The following LARGE1 variants were observed in gnomAD, a reference collection of about 807,000 sequenced individuals.
LARGE1 encodes the protein xylosyl- and glucuronyltransferase LARGE1.
LARGE1 carries 43 observed loss-of-function variants against 87.6 expected under a neutral mutation model. The ratio of observed to expected loss-of-function variants is 0.49; its 90% CI spans 0.38 to 0.63. LARGE1 has a LOEUF of 0.63. Ranked by LOEUF, LARGE1 falls within the 30% of genes least tolerant of loss-of-function variation. The pLI, the probability that LARGE1 is intolerant of heterozygous loss-of-function variation, is 0.00. For synonymous variants in LARGE1, 434 were observed against 394.6 expected (o/e 1.10, Z -1.18); for missense variants, 802 against 1,000.2 (o/e 0.80, Z 2.67).
intron 1 of LARGE1, among the ~76,000 whole-genome samples, chr22:33,878,197 G>A (rs1409975161): frequency 2.3e-5 from 3 of 129,456 alleles, no homozygotes; most frequent in Non-Finnish European, 4.7e-5. Flanking sequence ...GAGCGCAATG[G>A]TGTGATCTCG....
chr22:33,676,788 G>C (rs954892040), intron 2 of LARGE1, among the ~76,000 whole-genome samples: 1 of 152,104 alleles, frequency 6.6e-6, no homozygotes, highest in African/African-American at 2.4e-5. Context: ...GTGGCCACCA[G>C]AGATAGAGAC....
the LARGE1 span, among the ~76,000 whole-genome samples, chr22:33,127,715 G>A: frequency 2.0e-5 from 3 of 152,144 alleles, no homozygotes; most frequent in Non-Finnish European, 4.4e-5. Flanking sequence ...AATAAGGAGG[G>A]TATGATAAAA....
chr22:33,508,676 T>A lies in LARGE1; in HGVS notation c.787+56172A>T, dbSNP rs542745740. ...ATCCTATCAGAATTATGCAGGTGTATCCAAAAGGTTGATTGGCAACTTTAA... is the reference window on the plus strand; with the variant it reads ...ATCCTATCAGAATTATGCAGGTGTAACCAAAAGGTTGATTGGCAACTTTAA... On this transcript the variant is annotated intron_variant, in intron 6 of 14. Coordinates refer to ENST00000397394, the MANE Select transcript of LARGE1 (RefSeq NM_133642.5). 5.9e-5 allele frequency among the ~76,000 whole-genome samples: 9 copies of A among 152,262 alleles called. No homozygotes were observed. The South Asian group carries it at 6.2e-4, about 11-fold the overall frequency.
chr22:33,711,508 T>G (rs1306865148), intron 2 of LARGE1, among the ~76,000 whole-genome samples: 1 of 152,224 alleles, frequency 6.6e-6, no homozygotes, highest in African/African-American at 2.4e-5. Context: ...TTAGGTGAGC[T>G]GCCCACAGCT....
chr22:33,796,526 C>T (rs1012365197), intron 1 of LARGE1, among the ~76,000 whole-genome samples: 3 of 152,040 alleles, frequency 2.0e-5, no homozygotes, highest in Admixed American at 1.3e-4. Context: ...CCAGAAGACT[C>T]GTAAGAAAAG....
chr22:33,711,271 G>A (rs909480874), intron 2 of LARGE1, among the ~76,000 whole-genome samples: 1 of 152,194 alleles, frequency 6.6e-6, no homozygotes, highest in East Asian at 1.9e-4. Flanking sequence ...CGTCCAGGGG[G>A]TCTGCAGCAG....
At chr22:33,403,678 A>T (rs1278698929) in intron 7 of LARGE1, among the ~76,000 whole-genome samples, 3 of 151,706 alleles carry the variant, frequency 2.0e-5, no homozygotes, top group Non-Finnish European at 4.4e-5. Flanking sequence ...ATCTCGGCTC[A>T]CTGCAACCTC....
At chr22:33,069,100 C>T in the LARGE1 span, among the ~76,000 whole-genome samples, 2 of 152,154 alleles carry the variant, frequency 1.3e-5, no homozygotes, top group South Asian at 2.1e-4. Context: ...TATACCTCAT[C>T]GCCATCATTT....
At chr22:33,764,845 T>C (rs2084850170) in intron 1 of LARGE1, among the ~76,000 whole-genome samples, 1 of 152,188 alleles carries the variant, frequency 6.6e-6, no homozygotes, top group Admixed American at 6.5e-5. Context: ...CCGTATTGTT[T>C]AGAGAACGAC....
At chr22:33,149,822 A>G in the LARGE1 span, among the ~76,000 whole-genome samples, 1 of 152,110 alleles carries the variant, frequency 6.6e-6, no homozygotes, top group Non-Finnish European at 1.5e-5. Flanking sequence ...TAGCTTCCAG[A>G]GGCTTCTTTC....
At chr22:33,417,110 T>C (rs2066528042) in intron 7 of LARGE1, among the ~76,000 whole-genome samples, 1 of 151,908 alleles carries the variant, frequency 6.6e-6, no homozygotes, top group Non-Finnish European at 1.5e-5. Flanking sequence ...TTTCACCATG[T>C]TGGCCAGGAT....
At chr22:33,072,588 T>C in the LARGE1 span, among the ~76,000 whole-genome samples, 938 of 152,294 alleles carry the variant, frequency 6.2e-3, 11 homozygotes, top group African/African-American at 0.021. Flanking sequence ...CTGAGATTTA[T>C]TGAATCAGGG....
chr22:33,129,214 A>G, the LARGE1 span, among the ~76,000 whole-genome samples: 1 of 152,228 alleles, frequency 6.6e-6, no homozygotes, highest in African/African-American at 2.4e-5. Flanking sequence ...AGTGATGGAA[A>G]ACAGATCAAA....
At chr22:33,432,025 C>T in intron 7 of LARGE1, 136 bp downstream of exon 7, 2 of 739,256 alleles carry the variant, frequency 2.7e-6, no homozygotes, top group South Asian at 1.5e-5. Flanking sequence ...GCAAACTGCC[C>T]ACAAACCATC....
intron 6 of LARGE1, among the ~76,000 whole-genome samples, chr22:33,504,660 C>G (rs2070679155): frequency 6.6e-6 from 1 of 152,154 alleles, no homozygotes; most frequent in Non-Finnish European, 1.5e-5. Context: ...TGAAATAGAT[C>G]AGATGAATTT....
chr22:33,415,777 G>C lies in LARGE1; in HGVS notation c.892+16384C>G, dbSNP rs117152391. 5.4e-3 allele frequency among the ~76,000 whole-genome samples: 818 copies of C among 152,286 alleles called. 16 individuals carry two copies. The East Asian group carries it at 0.085, about 16-fold the overall frequency. ...CCACAGCCCTGAGAGATGAACACTTGGCTCAGGGTCAAGACATAAATGGAG... is the reference window on the plus strand; with the variant it reads ...CCACAGCCCTGAGAGATGAACACTTCGCTCAGGGTCAAGACATAAATGGAG... On this transcript the variant is annotated intron_variant, in intron 7 of 14. Transcript: ENST00000397394.
chr22:33,740,418 A>C (rs1265125475), intron 2 of LARGE1, among the ~76,000 whole-genome samples: 1 of 152,174 alleles, frequency 6.6e-6, no homozygotes, highest in Non-Finnish European at 1.5e-5. Flanking sequence ...CTTTTTACTC[A>C]TTAATCAGTG....
intron 1 of LARGE1, among the ~76,000 whole-genome samples, chr22:33,859,796 G>A (rs907457064): frequency 3.3e-5 from 5 of 152,200 alleles, no homozygotes; most frequent in African/African-American, 1.2e-4. Flanking sequence ...TACATATAAA[G>A]TAGAAGGAAA....
chr22:33,914,025 A>C (rs2065713497), intron 1 of LARGE1, among the ~76,000 whole-genome samples: 2 of 152,228 alleles, frequency 1.3e-5, no homozygotes, highest in African/African-American at 4.8e-5. Flanking sequence ...CAAATTATTT[A>C]GTTTTAAGAT....
Sources: allele counts gnomAD v4.1 joint callset (sites outside exome capture counted in the v4.1 genomes callset), GRCh38; gene constraint gnomAD v4.1.1; transcripts MANE v1.5; gene names NCBI Gene and HGNC (gene_info 2026-07-23, HGNC 2026-07-21).